The following TBC1D8 variants were observed in gnomAD, a reference collection of about 807,000 sequenced individuals.
The protein encoded by TBC1D8 is TBC1 domain family member 8, also known as BUB2-like protein 1.
Under a neutral mutation model 118.8 loss-of-function variants are expected in TBC1D8, and 65 were observed. The observed-to-expected ratio is 0.55, with a 90% CI of 0.45 to 0.67. TBC1D8 has a LOEUF of 0.67. Ranked by LOEUF, TBC1D8 falls within the 30% of genes least tolerant of loss-of-function variation. The pLI is 0.00. For synonymous variants in TBC1D8, 566 were observed against 595.8 expected (o/e 0.95, Z 0.73); for missense variants, 1,376 against 1,471.2 (o/e 0.94, Z 1.06).
rs147084522 is a variant in TBC1D8, at chr2:101,061,808, G to A, written c.284-2269C>T. Among the ~76,000 whole-genome samples the A allele has an allele frequency of 3.1e-3, 474 of 152,234 alleles. 2 individuals are homozygous for A. The highest frequency in any genetic ancestry group is 9.3e-3 in the African/African-American group (388 of 41,568). ...TCCTGCCATCTGGGAGGGCTCCTGC[G>A]GTGTCACAAAGCCCCTGGCCCTTCA... On this transcript the variant is annotated intron_variant, in intron 2 of 19. Transcript: ENST00000409318.
chr2:101,008,785 T>A (rs1334499624), intron 19 of TBC1D8, among the ~76,000 whole-genome samples: 1 of 150,904 alleles, frequency 6.6e-6, no homozygotes. Context: ...CACTCCAGCC[T>A]GGGCAACAAG....
chr2:101,017,853 A>C, intron 17 of TBC1D8: 1 of 1,550,866 alleles, frequency 6.4e-7, no homozygotes, highest in Non-Finnish European at 8.7e-7. Flanking sequence ...TGCAATTCCC[A>C]ATTAGGTCTT....
chr2:101,126,676 C>G (rs1206226394), intron 1 of TBC1D8, among the ~76,000 whole-genome samples: 1 of 152,146 alleles, frequency 6.6e-6, no homozygotes, highest in Non-Finnish European at 1.5e-5. Flanking sequence ...GGTATTATTA[C>G]TACAATGCTA....
chr2:101,067,754 T>C (rs1026767402), intron 2 of TBC1D8, among the ~76,000 whole-genome samples: 7 of 152,228 alleles, frequency 4.6e-5, no homozygotes, highest in Non-Finnish European at 8.8e-5. Flanking sequence ...TTTCTCAACA[T>C]AAAATGACAA....
At chr2:101,102,318 G>T (rs1676895446) in intron 1 of TBC1D8, among the ~76,000 whole-genome samples, 1 of 152,090 alleles carries the variant, frequency 6.6e-6, no homozygotes, top group African/African-American at 2.4e-5. Flanking sequence ...GCAAGGCGTT[G>T]TGGCCGGTGC....
intron 17 of TBC1D8, among the ~76,000 whole-genome samples, chr2:101,015,684 T>G (rs954596566): frequency 6.6e-6 from 1 of 152,206 alleles, no homozygotes. Context: ...ACTACAAGGC[T>G]ACAGTAACCA....
At chr2:101,035,958 G>T (rs1661386612) in intron 9 of TBC1D8, 60 bp downstream of exon 9, 4 of 1,592,988 alleles carry the variant, frequency 2.5e-6, no homozygotes, top group Non-Finnish European at 3.4e-6. Context: ...CTCGGGTCCG[G>T]GCTGTTCCTG....
At position 101,058,998 on chromosome 2, in the gene TBC1D8, C is replaced by T. The variant is rs13384010; in HGVS notation, c.402+423G>A. Among the ~76,000 whole-genome samples, 899 of 152,136 alleles carry T rather than the reference C, an allele frequency of 5.9e-3. 11 individuals carry two copies. The highest frequency in any genetic ancestry group is 0.02 in the African/African-American group (817 of 41,504). ...TCGGCTCACTGCAAGCACCACCTCCCGGGTTCACGCCATTCTCTTGCCTCA... is the reference window on the plus strand; with the variant it reads ...TCGGCTCACTGCAAGCACCACCTCCTGGGTTCACGCCATTCTCTTGCCTCA... On this transcript the variant is annotated intron_variant, in intron 3 of 19. Transcript: ENST00000409318.
chr2:101,118,590 G>A (rs1362572195), intron 1 of TBC1D8, among the ~76,000 whole-genome samples: 3 of 151,952 alleles, frequency 2.0e-5, no homozygotes, highest in Non-Finnish European at 4.4e-5. Context: ...CCAACTACTC[G>A]GGAGGTTGAG....
At chr2:101,102,048 G>GAGAGGAGGGGAGGGA (rs1344815139) in intron 1 of TBC1D8, among the ~76,000 whole-genome samples, 3 of 141,114 alleles carry the variant, frequency 2.1e-5, no homozygotes, top group Non-Finnish European at 3.1e-5. Flanking sequence ...GAGGGGAGTG[G>GAGAGGAGGGGAGGGA]AGAGGAGGGG....
At chr2:101,042,525 A>G (rs998617523) in intron 5 of TBC1D8, among the ~76,000 whole-genome samples, 3 of 152,294 alleles carry the variant, frequency 2.0e-5, no homozygotes, top group South Asian at 4.1e-4. Context: ...CTCTGCTTCA[A>G]GGGATCCCTG....
intron 17 of TBC1D8, chr2:101,019,224 C>G (rs1020015486): frequency 1.1e-4 from 61 of 574,282 alleles, no homozygotes; most frequent in Non-Finnish European, 1.6e-4. Context: ...CTGCCCTTGC[C>G]TCTTCGACAG....
chr2:101,114,331 A>G (rs1315203150), intron 1 of TBC1D8, among the ~76,000 whole-genome samples: 4 of 150,890 alleles, frequency 2.7e-5, no homozygotes, highest in Non-Finnish European at 5.9e-5. Context: ...AAGGGGGTGC[A>G]AGGGTAAGGG....
intron 1 of TBC1D8, among the ~76,000 whole-genome samples, chr2:101,110,519 A>G (rs1188006993): frequency 1.3e-5 from 2 of 152,180 alleles, no homozygotes; most frequent in African/African-American, 2.4e-5. Context: ...GAGTAATAGA[A>G]GGACTTCTCA....
At chr2:101,019,900 C>T (rs1679920118) in intron 17 of TBC1D8, among the ~76,000 whole-genome samples, 1 of 145,542 alleles carries the variant, frequency 6.9e-6, no homozygotes, top group South Asian at 2.1e-4. Flanking sequence ...AACCCTATCT[C>T]TGCTAAAAAA....
intron 1 of TBC1D8, among the ~76,000 whole-genome samples, chr2:101,123,425 G>C (rs541096026): frequency 5.3e-5 from 8 of 152,088 alleles, no homozygotes; most frequent in African/African-American, 1.7e-4. Flanking sequence ...CTTGGCGACC[G>C]TTCTAGCAGT....
In TBC1D8 at chr2:101,026,515, C is replaced by A. The variant is rs1680345889; in HGVS notation, c.2520+868G>T. Among the ~76,000 whole-genome samples, 3 of 152,184 alleles carry A rather than the reference C, an allele frequency of 2.0e-5. No individual in the cohort carries two copies. In the South Asian group the frequency reaches 6.2e-4, roughly 32 times the overall value. On this transcript the variant is annotated intron_variant, in intron 15 of 19. Coordinates refer to ENST00000409318, the MANE Select transcript of TBC1D8 (RefSeq NM_001330348.2). The stretch of plus-strand genomic sequence containing the variant: ...CACTGACTGCGGGGAAAGGCCTGCT[C>A]CATGGCTTCCAAAGCCCTGGACTCT...
chr2:101,075,028 G>C (rs1674717565), intron 2 of TBC1D8, among the ~76,000 whole-genome samples: 1 of 152,170 alleles, frequency 6.6e-6, no homozygotes, highest in Non-Finnish European at 1.5e-5. Flanking sequence ...TAAAAGGTAG[G>C]AAAGGTACAA....
Position 101,036,095 on chromosome 2 carries a change from C to G in TBC1D8, c.1526G>C (p.Arg509Pro). ...TACGAGCTTCCGAATCTTCTCTGTG[C>G]GAAACATACACACGGTTCTGCCGTA... ...VEYGRTVCMF[R>P]TEKIRKLVAM... The change falls in exon 9 of 20, where the codon CGC becomes CCC. Residue 509 changes from arginine (R) to proline (P), a missense_variant. Arg to Pro is a moderately radical substitution (Grantham distance 103). Transcript: ENST00000409318. 6.2e-7 allele frequency: 1 copy of G among 1,613,934 alleles called. No homozygotes were observed. The highest frequency in any genetic ancestry group is 1.1e-5 in the South Asian group (1 of 91,086).
Sources: gnomAD v4.1 joint callset for allele counts (sites outside exome capture counted in the v4.1 genomes callset) on GRCh38, gnomAD v4.1.1 for gene constraint, MANE v1.5 for transcripts, NCBI Gene and HGNC (gene_info 2026-07-23, HGNC 2026-07-21) for gene names.